The following PSD3 variants were observed in gnomAD, a reference collection of about 807,000 sequenced individuals.
PSD3 encodes pleckstrin and Sec7 domain containing 3.
In PSD3, 49 loss-of-function variants were observed where a neutral mutation model predicts 105.5. That is an observed-to-expected ratio of 0.46 (90% CI 0.37 to 0.59). The LOEUF (loss-of-function observed/expected upper bound fraction) is 0.59. Ranked by LOEUF, PSD3 falls within the 20% of genes least tolerant of loss-of-function variation. The probability of loss-of-function intolerance (pLI) is 0.00; values close to 1 mark genes in which losing one functional copy is unlikely to be tolerated. For missense variants in PSD3, 1,561 were observed against 1,263.8 expected, an observed-to-expected ratio of 1.24 and a Z score of -3.57; for synonymous variants, 557 against 457.8, an observed-to-expected ratio of 1.22 and a Z score of -2.77.
intron 1 of PSD3, among the ~76,000 whole-genome samples, chr8:19,083,763 C>T (rs1487605321): frequency 2.0e-5 from 3 of 152,100 alleles, no homozygotes; most frequent in Admixed American, 2.0e-4. Context: ...GGATGTTTGC[C>T]CAGTCACATC....
rs530576744 is a variant in PSD3, at chr8:18,528,807, G to A, written c.*6936C>T. Reference sequence around the variant, plus strand: ...TCTCTCCATTAACCAACATTTTCAGGAATTGAAGTTAGGGTGCTTATTTCT... The same window carrying A: ...TCTCTCCATTAACCAACATTTTCAGAAATTGAAGTTAGGGTGCTTATTTCT... On this transcript the variant is annotated 3_prime_UTR_variant, in exon 16 of 16. Transcript: ENST00000327040. The A allele has an allele frequency of 6.6e-6, 1 of 152,630 alleles. No individual in the cohort carries two copies. The highest frequency in any genetic ancestry group is 2.4e-5 in the African/African-American group (1 of 41,452). The allele number at this position is 152,630 out of a possible 1,614,324, so 9.5% of individuals were successfully genotyped here. A position where few individuals can be genotyped will look rare whatever the true frequency, so the allele number is the denominator to read the frequency against.
At chr8:18,593,395 A>G (rs796827347) in intron 12 of PSD3, among the ~76,000 whole-genome samples, 12 of 152,372 alleles carry the variant, frequency 7.9e-5, no homozygotes, top group African/African-American at 2.9e-4. Flanking sequence ...ACTGGCCATC[A>G]CAGAAATGCA....
At position 19,074,611 on chromosome 8, in the gene PSD3, A is replaced by ATT. The variant is rs1206111403; in HGVS notation, c.324+9593_324+9594dup. Among the ~76,000 whole-genome samples, 59 of 24,200 alleles carry ATT rather than the reference A, an allele frequency of 2.4e-3. 4 individuals carry two copies. Among genetic ancestry groups the ATT allele is most frequent in the African/African-American group, 8.2e-3 (51 of 6,224 alleles). 15.9% of individuals were successfully genotyped at this position (24,200 alleles called of 152,430 possible). A position where few individuals can be genotyped will look rare whatever the true frequency, so the allele number is the denominator to read the frequency against. ...TATATACATATATATATATATATATATTTTTTTTTTTTTTTTTTTTTTTTT... is the reference window on the plus strand; with the variant it reads ...TATATACATATATATATATATATATATTTTTTTTTTTTTTTTTTTTTTTTTTT... On this transcript the variant is annotated intron_variant, in intron 1 of 1. Coordinates refer to the PSD3 transcript ENST00000521475.
At position 18,632,676 on chromosome 8, in the gene PSD3, C is replaced by G; in HGVS notation, c.2347G>C (p.Ala783Pro). Reference sequence around the variant, plus strand: ...AAGAATCCACTTTTGTACACAGCAGCATTTGGATCATGAGGAATGTCCAAA... The same window carrying G: ...AAGAATCCACTTTTGTACACAGCAGGATTTGGATCATGAGGAATGTCCAAA... ...PFLDIPHDPN[A>P]AVYKSGFLAR... Residue 783 changes from alanine to proline, a missense_variant, in exon 11 of 16, where the codon GCT becomes CCT. Transcript: ENST00000327040. The G allele has an allele frequency of 6.2e-7, 1 of 1,612,780 alleles. No individual in the cohort carries two copies. Among genetic ancestry groups the G allele is most frequent in the Non-Finnish European group, 8.5e-7 (1 of 1,179,136 alleles).
intron 2 of PSD3, among the ~76,000 whole-genome samples, chr8:18,885,805 T>A (rs1563384698): frequency 6.6e-6 from 1 of 152,166 alleles, no homozygotes; most frequent in Non-Finnish European, 1.5e-5. Flanking sequence ...GAGAAATAAA[T>A]CTTGAATTAC....
chr8:19,023,875 C>A (rs1393820247), intron 1 of PSD3, among the ~76,000 whole-genome samples: 2 of 152,316 alleles, frequency 1.3e-5, no homozygotes, highest in Admixed American at 6.5e-5. Flanking sequence ...GTATCACATA[C>A]ATGATTGCCC....
intron 15 of PSD3, 27 bp from the exon 16 acceptor site, chr8:18,535,985 T>C (rs1388908402): frequency 1.9e-6 from 3 of 1,598,942 alleles, no homozygotes; most frequent in Admixed American, 1.7e-5. Context: ...AGAACAACGG[T>C]AGTCAGAAAA....
chr8:18,914,491 G>T (rs976985291), intron 2 of PSD3, among the ~76,000 whole-genome samples: 1 of 152,074 alleles, frequency 6.6e-6, no homozygotes, highest in Non-Finnish European at 1.5e-5. Context: ...CAAAAAAAAT[G>T]TTAAAACTAA....
chr8:18,855,531 A>G (rs1190372582), intron 4 of PSD3, among the ~76,000 whole-genome samples: 1 of 152,220 alleles, frequency 6.6e-6, no homozygotes, highest in African/African-American at 2.4e-5. Context: ...AATACTGAGG[A>G]AAAAAGGGTA....
In PSD3 at chr8:18,691,005, T is replaced by TA. The variant is rs199758994; in HGVS notation, c.2173-35321dup. On this transcript the variant is annotated intron_variant, in intron 9 of 15. Transcript: ENST00000327040. ...CACTATAAGAATTGGCGGTTAGGAG[T>TA]AAAAAAAAAAAAATCCTATGATTTG... 6.7e-3 allele frequency among the ~76,000 whole-genome samples: 953 copies of TA among 143,256 alleles called. 8 individuals carry two copies. Among genetic ancestry groups the TA allele is most frequent in the African/African-American group, 0.02 (801 of 39,172 alleles). 94.0% of individuals were successfully genotyped at this position (143,256 alleles called of 152,430 possible).
chr8:18,600,252 A>C (rs1473774233), intron 12 of PSD3, 112 bp downstream of exon 12: 11 of 1,033,278 alleles, frequency 1.1e-5, no homozygotes, highest in South Asian at 8.8e-5. Flanking sequence ...ATCAGCAAAC[A>C]AACTGCAGAA....
intron 8 of PSD3, 81 bp downstream of exon 8, chr8:18,799,214 C>T: frequency 2.4e-6 from 3 of 1,240,752 alleles, no homozygotes; most frequent in Non-Finnish European, 3.6e-6. Flanking sequence ...AACGGGGAGG[C>T]AGAAAATAAA....
intron 2 of PSD3, among the ~76,000 whole-genome samples, chr8:18,874,950 C>T (rs975010930): frequency 1.3e-5 from 2 of 152,118 alleles, no homozygotes; most frequent in South Asian, 2.1e-4. Context: ...GGATCTTACT[C>T]TATCATCCAG....
chr8:18,699,440 C>T (rs1466442710), intron 9 of PSD3, among the ~76,000 whole-genome samples: 2 of 152,166 alleles, frequency 1.3e-5, no homozygotes, highest in Non-Finnish European at 2.9e-5. Context: ...GATGAAGACA[C>T]CTAGTCACAG....
intron 2 of PSD3, among the ~76,000 whole-genome samples, chr8:18,875,816 C>T (rs543344083): frequency 2.0e-5 from 3 of 152,298 alleles, no homozygotes; most frequent in East Asian, 3.9e-4. Flanking sequence ...GGATTACAGG[C>T]GTGAGCCATG....
chr8:18,637,118 T>C (rs1297292797), intron 10 of PSD3, among the ~76,000 whole-genome samples: 1 of 152,122 alleles, frequency 6.6e-6, no homozygotes, highest in Non-Finnish European at 1.5e-5. Context: ...TATAAAAGAG[T>C]TCCAAAATTG....
At chr8:18,588,483 T>C (rs1803358240) in intron 12 of PSD3, among the ~76,000 whole-genome samples, 2 of 152,218 alleles carry the variant, frequency 1.3e-5, no homozygotes, top group Non-Finnish European at 2.9e-5. Flanking sequence ...TCATTGTAAG[T>C]AGATAGTTTA....
chr8:18,953,485 A>G (rs1823373588), intron 1 of PSD3, among the ~76,000 whole-genome samples: 1 of 152,210 alleles, frequency 6.6e-6, no homozygotes, highest in African/African-American at 2.4e-5. Context: ...GTGGTGGCTC[A>G]CGCCTGTAAT....
intron 9 of PSD3, among the ~76,000 whole-genome samples, chr8:18,686,372 C>A (rs1800663613): frequency 6.6e-6 from 1 of 152,226 alleles, no homozygotes; most frequent in South Asian, 2.1e-4. Flanking sequence ...ATACCAGGAA[C>A]CACGCTGTGT....
Sources: allele counts gnomAD v4.1 joint callset (sites outside exome capture counted in the v4.1 genomes callset), GRCh38; gene constraint gnomAD v4.1.1; transcripts MANE v1.5; gene names NCBI Gene and HGNC (gene_info 2026-07-23, HGNC 2026-07-21).